The following RIMBP2 variants were observed in gnomAD, a reference collection of about 807,000 sequenced individuals.
The protein encoded by RIMBP2 is RIMS binding protein 2, also known as RIMS-binding protein 2.
In RIMBP2, 48 loss-of-function variants were observed where a neutral mutation model predicts 118.6. The ratio of observed to expected loss-of-function variants is 0.40; its 90% CI spans 0.32 to 0.51. RIMBP2 has a LOEUF of 0.51. Ranked by LOEUF, RIMBP2 falls within the 20% of genes least tolerant of loss-of-function variation. The pLI is 0.41. For synonymous variants in RIMBP2, 762 were observed against 742.9 expected (o/e 1.03, Z -0.42); for missense variants, 1,551 against 1,768.3 (o/e 0.88, Z 2.20).
Position 130,424,880 on chromosome 12 carries a change from A to C in RIMBP2, c.2413-22T>G, listed in dbSNP as rs146889020. 3.2e-4 allele frequency: 385 copies of C among 1,217,734 alleles called. No homozygotes were observed. In the African/African-American group the frequency reaches 5.1e-3, roughly 16 times the overall value. 75.4% of individuals were successfully genotyped at this position (1,217,734 alleles called of 1,614,324 possible). A position where few individuals can be genotyped will look rare whatever the true frequency, so the allele number is the denominator to read the frequency against. ...AGTCCTTACGGGGTGGTGTGTCAAG[A>C]ACAGGCGCGGGAAAGAGTGTGTGGT... On this transcript the variant is annotated intron_variant, in intron 15 of 22. Coordinates refer to ENST00000690449, the MANE Select transcript of RIMBP2 (RefSeq NM_001393629.1). This position sits in a 1 kb window ranked among gnomAD's most constrained non-coding sequence, Gnocchi z 9.8.
intron 5 of RIMBP2, chr12:130,471,887 C>T (rs1022956406): frequency 6.5e-6 from 1 of 153,182 alleles, no homozygotes; most frequent in Non-Finnish European, 1.5e-5. Flanking sequence ...AGTCTGAACC[C>T]TCAGCGACTG....
At chr12:130,444,005 CACAG>C (rs1276812758) in intron 10 of RIMBP2, among the ~76,000 whole-genome samples, 1 of 152,214 alleles carries the variant, frequency 6.6e-6, no homozygotes, top group Non-Finnish European at 1.5e-5. Flanking sequence ...CCTGCTGTCA[CACAG>C]ACAATGGAGC....
intron 15 of RIMBP2, chr12:130,427,880 T>G (rs10848101): frequency 0.46 from 125,244 of 274,642 alleles, 32,192 homozygotes; most frequent in East Asian, 0.75. Context: ...GTGGAGGGGG[T>G]TCTTCTTTGT....
chr12:130,514,515 C>T (rs1002812113), intron 3 of RIMBP2, among the ~76,000 whole-genome samples: 1 of 152,150 alleles, frequency 6.6e-6, no homozygotes, highest in African/African-American at 2.4e-5. Context: ...GCACCCCCAT[C>T]CCCCCACAGC....
Position 130,450,463 on chromosome 12 carries a change from C to A in RIMBP2, c.505-187G>T, listed in dbSNP as rs569439119. ...GAGCTTGGAAAGGAGGGTGGTCCCT[C>A]GGTGTGGACCCCTTATTACATAGGC... On this transcript the variant is annotated intron_variant, in intron 8 of 22. Coordinates refer to ENST00000690449, the MANE Select transcript of RIMBP2 (RefSeq NM_001393629.1). This position sits in a 1 kb window ranked among gnomAD's most constrained non-coding sequence, Gnocchi z 4.8. Among the ~76,000 whole-genome samples the A allele has an allele frequency of 1.3e-5, 2 of 151,922 alleles. No homozygotes were observed. Among genetic ancestry groups the A allele is most frequent in the African/African-American group, 4.8e-5 (2 of 41,342 alleles).
In RIMBP2 at chr12:130,663,932, C is replaced by T. The variant is rs189935130; in HGVS notation, c.-351-35476G>A. ...ACACATACGAGGCAGGTTGAATAAG[C>T]GCTGTCTTCACACAGCGAAGAACTG... On this transcript the variant is annotated intron_variant, in intron 1 of 22. Coordinates refer to ENST00000690449, the MANE Select transcript of RIMBP2 (RefSeq NM_001393629.1). Among the ~76,000 whole-genome samples the T allele has an allele frequency of 1.4e-3, 206 of 151,752 alleles. 7 individuals are homozygous for T. Among genetic ancestry groups the T allele is most frequent in the African/African-American group, 4.7e-3 (192 of 41,058 alleles).
At chr12:130,535,911 C>A (rs1275717082) in intron 2 of RIMBP2, among the ~76,000 whole-genome samples, 1 of 151,798 alleles carries the variant, frequency 6.6e-6, no homozygotes, top group Non-Finnish European at 1.5e-5. Flanking sequence ...CTCCAAGTAG[C>A]TGGGACTACA....
chr12:130,646,440 TTG>T (rs1566423598), intron 1 of RIMBP2, among the ~76,000 whole-genome samples: 2,224 of 111,184 alleles, frequency 0.02, 1,044 homozygotes, highest in Middle Eastern at 0.045. Context: ...TCCACCTCCC[TTG>T]CCACCTCCCT....
Position 130,412,744 on chromosome 12 carries a change from G to A in RIMBP2, c.3464C>T (p.Thr1155Ile). The change falls in exon 19 of 23, where the codon ACC (threonine) becomes ATC (isoleucine). Residue 1155 changes from threonine (T) to isoleucine (I), a missense_variant. Transcript: ENST00000690449. ...AGGAATAAGGCCAAGCCGGGCACAG[G>A]TTTCCCCACGGTAGAATCCATCAGC... is the stretch of plus-strand genomic sequence containing the variant. ...KDADGFYRGE[T>I]CARLGLIPCN... 3 of 1,613,860 alleles carry A rather than the reference G, an allele frequency of 1.9e-6. No individual in the cohort carries two copies. The highest frequency in any genetic ancestry group is 2.5e-6 in the Non-Finnish European group (3 of 1,179,972).
At chr12:130,480,806 G>A (rs1033356620) in intron 4 of RIMBP2, among the ~76,000 whole-genome samples, 1 of 152,168 alleles carries the variant, frequency 6.6e-6, no homozygotes, top group Non-Finnish European at 1.5e-5. Flanking sequence ...TTGCCATGTT[G>A]GCCAGGCTGG....
At chr12:130,494,464 C>T (rs1175740424) in intron 4 of RIMBP2, among the ~76,000 whole-genome samples, 8 of 152,022 alleles carry the variant, frequency 5.3e-5, no homozygotes, top group Middle Eastern at 3.2e-3. Flanking sequence ...CATGCTGAAA[C>T]CCCGTCTCTA....
At chr12:130,512,786 G>T (rs1287781853) in intron 3 of RIMBP2, among the ~76,000 whole-genome samples, 1 of 152,226 alleles carries the variant, frequency 6.6e-6, no homozygotes, top group Non-Finnish European at 1.5e-5. Context: ...AGATGTTCCA[G>T]GTTAGGAGCC....
chr12:130,557,507 TC>T (rs994307759), intron 2 of RIMBP2, among the ~76,000 whole-genome samples: 7 of 151,994 alleles, frequency 4.6e-5, no homozygotes, highest in Non-Finnish European at 8.8e-5. Context: ...CTGCCCGGGC[TC>T]AGAAGCAGAA....
intron 4 of RIMBP2, among the ~76,000 whole-genome samples, chr12:130,493,530 G>A (rs1052124956): frequency 2.0e-5 from 3 of 152,060 alleles, no homozygotes; most frequent in African/African-American, 7.2e-5. Context: ...GGCCAGGCTG[G>A]TCTCAAACTC....
intron 4 of RIMBP2, among the ~76,000 whole-genome samples, chr12:130,502,532 C>T (rs1593551337): frequency 6.6e-6 from 1 of 152,168 alleles, no homozygotes; most frequent in East Asian, 1.9e-4. Flanking sequence ...AATGCTCCTC[C>T]CTGAACACTG....
intron 1 of RIMBP2, among the ~76,000 whole-genome samples, chr12:130,711,940 C>G (rs1593058296): frequency 6.6e-6 from 1 of 152,256 alleles, no homozygotes; most frequent in Non-Finnish European, 1.5e-5. Flanking sequence ...GCTGTGCAGC[C>G]CGTGACTGTA....
chr12:130,659,955 CAGAGCA>C (rs1292691974), intron 1 of RIMBP2: 3 of 140,986 alleles, frequency 2.1e-5, no homozygotes, highest in Non-Finnish European at 4.6e-5. Flanking sequence ...GCCTGGGTGA[CAGAGCA>C]AGACTCCATC....
At position 130,522,958 on chromosome 12, in the gene RIMBP2, T is replaced by A. The variant is rs561012358; in HGVS notation, c.-216-5041A>T. 6.6e-5 allele frequency among the ~76,000 whole-genome samples: 10 copies of A among 152,106 alleles called. No individual in the cohort carries two copies. In the East Asian group the frequency reaches 1.9e-3, roughly 29 times the overall value. The stretch of plus-strand genomic sequence containing the variant: ...TCTCGGTCTCGCTGCCTGCCTCTCT[T>A]TCCCCCTCTCTCTCAGTCTCACTCT... On this transcript the variant is annotated intron_variant, in intron 2 of 22. Coordinates refer to ENST00000690449, the MANE Select transcript of RIMBP2 (RefSeq NM_001393629.1).
chr12:130,706,391 C>T (rs76149112), intron 1 of RIMBP2, among the ~76,000 whole-genome samples: 153 of 152,370 alleles, frequency 1.0e-3, no homozygotes, highest in African/African-American at 3.7e-3. Flanking sequence ...CAGAAGAGAG[C>T]CTGTGGTCAC....
Sources: allele counts gnomAD v4.1 joint callset (sites outside exome capture counted in the v4.1 genomes callset), GRCh38; gene constraint gnomAD v4.1.1; non-coding constraint Gnocchi (gnomAD v3.1); transcripts MANE v1.5; gene names NCBI Gene and HGNC (gene_info 2026-07-23, HGNC 2026-07-21).